Variants in MBD5 observed in about 807,000 individuals in gnomAD.
MBD5 encodes methyl-CpG-binding domain protein 5.
MBD5 carries 13 observed loss-of-function variants against 117.3 expected under a neutral mutation model. The ratio of observed to expected loss-of-function variants is 0.11; its 90% CI spans 0.07 to 0.18. The LOEUF (loss-of-function observed/expected upper bound fraction) is 0.18. MBD5 is among the 10% of genes least tolerant of loss of function. The pLI, the probability that MBD5 is intolerant of heterozygous loss-of-function variation, is 1.00. For synonymous variants in MBD5, 727 were observed against 766.4 expected (o/e 0.95, Z 0.85); for missense variants, 1,879 against 2,093.8 (o/e 0.90, Z 2.00).
rs550702713 is a variant in MBD5 at position 148,400,095 on chromosome 2, G to T, written c.-557+57759G>T. On this transcript the variant is annotated intron_variant, in intron 4 of 13. Transcript: ENST00000642680. Reference sequence around the variant, plus strand: ...GGATTTTTGCGTCGATGTTCATCAGGGATATTGGTGATCCTTATATTTTAA... The same window carrying T: ...GGATTTTTGCGTCGATGTTCATCAGTGATATTGGTGATCCTTATATTTTAA... Among the ~76,000 whole-genome samples, 4 of 151,976 alleles carry T rather than the reference G, an allele frequency of 2.6e-5. No homozygotes were observed. In the East Asian group the frequency reaches 7.7e-4, roughly 29 times the overall value.
chr2:148,140,176 C>A (rs1180958932), intron 1 of MBD5, among the ~76,000 whole-genome samples: 3 of 152,136 alleles, frequency 2.0e-5, no homozygotes, highest in Non-Finnish European at 4.4e-5. Flanking sequence ...CTCTTTTTAC[C>A]ACATCATATT....
chr2:148,023,052 A>G (rs1042396986), intron 1 of MBD5, among the ~76,000 whole-genome samples: 1 of 150,096 alleles, frequency 6.7e-6, no homozygotes, highest in East Asian at 1.9e-4. Context: ...GCATATACAC[A>G]CACTCTCTTT....
At chr2:148,233,494 T>C (rs1700033889) in intron 3 of MBD5, 99 bp downstream of exon 3, 1 of 152,226 alleles carries the variant, frequency 6.6e-6, no homozygotes. Context: ...AAAGTATTAT[T>C]TCCTGTAGGA....
intron 4 of MBD5, among the ~76,000 whole-genome samples, chr2:148,407,719 C>G (rs911112896): frequency 6.6e-6 from 1 of 152,014 alleles, no homozygotes; most frequent in Non-Finnish European, 1.5e-5. Context: ...AATGAACGGA[C>G]GATCTAAATT....
chr2:148,431,217 T>C (rs1304872267), intron 4 of MBD5, among the ~76,000 whole-genome samples: 3 of 152,146 alleles, frequency 2.0e-5, no homozygotes. Flanking sequence ...TTTCAACTTA[T>C]TTTTCATAGA....
At chr2:148,379,586 G>GA (rs1334333928) in intron 4 of MBD5, among the ~76,000 whole-genome samples, 3 of 152,090 alleles carry the variant, frequency 2.0e-5, no homozygotes, top group Non-Finnish European at 4.4e-5. Context: ...AGCACTGAGT[G>GA]AAAAAATTGG....
rs1682218807 is a variant in MBD5, at chr2:148,511,683, TCTCAGTTATAAAAAGTTTCTTTC to T, written c.5113-1168_5113-1146del. 3.3e-5 allele frequency among the ~76,000 whole-genome samples: 5 copies of T among 152,328 alleles called. No individual in the cohort carries two copies. The South Asian group carries it at 1.0e-3, about 32-fold the overall frequency. Reference sequence around the variant, plus strand: ...TGGTCCACAGATTACTAGTTTGCAGTCTCAGTTATAAAAAGTTTCTTTCCTCAGTTATAAAAAGTTTTGGCTCT... The same window carrying T: ...TGGTCCACAGATTACTAGTTTGCAGTCTCAGTTATAAAAAGTTTTGGCTCT... On this transcript the variant is annotated intron_variant, in intron 13 of 13. Coordinates refer to ENST00000642680, the MANE Select transcript of MBD5 (RefSeq NM_001378120.1).
chr2:148,485,015 T>C (rs1412274438), intron 9 of MBD5: 4 of 152,188 alleles, frequency 2.6e-5, no homozygotes, highest in African/African-American at 9.6e-5. Context: ...CTACGAAGCA[T>C]TACAGATTTA....
At chr2:148,072,599 A>G (rs939481338) in intron 1 of MBD5, among the ~76,000 whole-genome samples, 1 of 152,226 alleles carries the variant, frequency 6.6e-6, no homozygotes, top group African/African-American at 2.4e-5. Flanking sequence ...TAGATTTAAT[A>G]CGACGTGCCT....
intron 1 of MBD5, among the ~76,000 whole-genome samples, chr2:148,146,529 G>A (rs891096579): frequency 3.3e-5 from 5 of 151,910 alleles, no homozygotes; most frequent in African/African-American, 4.8e-5. Flanking sequence ...GATCCACCCC[G>A]CCTGGCCTTG....
chr2:148,076,061 G>A (rs769232205), intron 1 of MBD5, among the ~76,000 whole-genome samples: 3 of 152,156 alleles, frequency 2.0e-5, no homozygotes, highest in Admixed American at 2.0e-4. Context: ...GCCTTAGAAA[G>A]TAGTAGTATC....
chr2:148,188,974 C>A (rs1475254258), intron 2 of MBD5, among the ~76,000 whole-genome samples: 1 of 150,858 alleles, frequency 6.6e-6, no homozygotes, highest in Non-Finnish European at 1.5e-5. Context: ...AGTTCCCTTT[C>A]CGAGTCAAAG....
rs948777341 is a variant in MBD5 at position 148,348,153 on chromosome 2, A to T, written c.-557+5817A>T. ...AATGCCTTGTATGCAGTGATATTAG[A>T]CCCTGAAGGACTGATCATCTTTCAC... is the stretch of plus-strand genomic sequence containing the variant. On this transcript the variant is annotated intron_variant, in intron 4 of 13. Transcript: ENST00000642680. Among the ~76,000 whole-genome samples, 5 of 152,024 alleles carry T rather than the reference A, an allele frequency of 3.3e-5. No homozygotes were observed. The East Asian group carries it at 9.7e-4, about 29-fold the overall frequency.
At chr2:148,411,256 C>G (rs1705238330) in intron 4 of MBD5, among the ~76,000 whole-genome samples, 1 of 152,066 alleles carries the variant, frequency 6.6e-6, no homozygotes, top group Non-Finnish European at 1.5e-5. Context: ...ATCCAGTCTA[C>G]TATTGATGGG....
At chr2:148,056,687 T>C (rs1298471419) in intron 1 of MBD5, among the ~76,000 whole-genome samples, 1 of 152,034 alleles carries the variant, frequency 6.6e-6, no homozygotes, top group Non-Finnish European at 1.5e-5. Context: ...TTTACAGATG[T>C]TTAGTTTTGG....
intron 7 of MBD5, among the ~76,000 whole-genome samples, chr2:148,464,389 T>C (rs1368758833): frequency 1.3e-5 from 2 of 152,136 alleles, no homozygotes; most frequent in African/African-American, 2.4e-5. Flanking sequence ...ATGGGGGCTT[T>C]CTTTTTTAAA....
In MBD5 at chr2:148,106,650, T is replaced by C. The variant is rs531470690; in HGVS notation, c.-924-72050T>C. 7.9e-5 allele frequency among the ~76,000 whole-genome samples: 12 copies of C among 152,036 alleles called. No homozygotes were observed. The South Asian group carries it at 2.3e-3, about 29-fold the overall frequency. The stretch of plus-strand genomic sequence containing the variant: ...CTCCTTTATTGCCTTCTTTTTGTAT[T>C]ACTCAGTATTCTTATTATCATTTGT... On this transcript the variant is annotated intron_variant, in intron 1 of 13. Transcript: ENST00000642680.
At chr2:148,111,326 A>G (rs558416805) in intron 1 of MBD5, among the ~76,000 whole-genome samples, 2 of 152,280 alleles carry the variant, frequency 1.3e-5, no homozygotes, top group South Asian at 4.1e-4. Flanking sequence ...AATAATGTTT[A>G]GCCTAAGTCT....
intron 1 of MBD5, among the ~76,000 whole-genome samples, chr2:148,093,887 A>G (rs1027621252): frequency 6.6e-6 from 1 of 152,216 alleles, no homozygotes; most frequent in African/African-American, 2.4e-5. Context: ...TTGGAATAAC[A>G]TAATTATTAC....
Sources: allele counts gnomAD v4.1 joint callset (sites outside exome capture counted in the v4.1 genomes callset), GRCh38; gene constraint gnomAD v4.1.1; transcripts MANE v1.5; gene names NCBI Gene and HGNC (gene_info 2026-07-23, HGNC 2026-07-21).